The following SPOCK1 variants were observed in gnomAD, a reference collection of about 807,000 sequenced individuals.
SPOCK1 encodes the protein testican-1.
A neutral mutation model predicts 55.3 loss-of-function variants in SPOCK1; 23 were observed. The ratio of observed to expected loss-of-function variants is 0.42; its 90% CI spans 0.30 to 0.59. SPOCK1 has a LOEUF of 0.59. Ranked by LOEUF, SPOCK1 falls within the 20% of genes least tolerant of loss-of-function variation. The pLI is 0.22. For missense variants in SPOCK1, 499 were observed against 552.5 expected, an observed-to-expected ratio of 0.90 and a Z score of 0.97; for synonymous variants, 226 against 221.0, an observed-to-expected ratio of 1.02 and a Z score of -0.20.
chr5:137,082,488 A>C (rs749818273), intron 5 of SPOCK1, among the ~76,000 whole-genome samples: 1 of 152,190 alleles, frequency 6.6e-6, no homozygotes, highest in South Asian at 2.1e-4. Flanking sequence ...GTGAGAACAC[A>C]AACCCTGTGA....
At chr5:137,258,671 GT>G (rs1316670260) in intron 3 of SPOCK1, among the ~76,000 whole-genome samples, 1 of 152,180 alleles carries the variant, frequency 6.6e-6, no homozygotes, top group South Asian at 2.1e-4. Context: ...TAACAGGAAG[GT>G]TTTTTCCCTC....
chr5:137,096,075 T>A (rs1190985937), intron 5 of SPOCK1, among the ~76,000 whole-genome samples: 1 of 151,936 alleles, frequency 6.6e-6, no homozygotes, highest in Non-Finnish European at 1.5e-5. Flanking sequence ...TGAAGGCGAG[T>A]GACAGAAGCA....
At chr5:137,342,330 A>T (rs1750449803) in intron 2 of SPOCK1, among the ~76,000 whole-genome samples, 1 of 152,106 alleles carries the variant, frequency 6.6e-6, no homozygotes, top group Non-Finnish European at 1.5e-5. Flanking sequence ...TCTGAAAGGT[A>T]TTTTATTCTT....
At chr5:137,444,548 C>G (rs1401023845) in intron 2 of SPOCK1, among the ~76,000 whole-genome samples, 1 of 152,200 alleles carries the variant, frequency 6.6e-6, no homozygotes, top group Admixed American at 6.5e-5. Context: ...AAGCAAGCCA[C>G]TAGACCTGGC....
intron 2 of SPOCK1, among the ~76,000 whole-genome samples, chr5:137,478,269 A>G (rs1406231751): frequency 1.3e-5 from 2 of 152,190 alleles, no homozygotes; most frequent in East Asian, 1.9e-4. Context: ...GCCAGCTGTT[A>G]TTATTGCTAG....
intron 3 of SPOCK1, among the ~76,000 whole-genome samples, chr5:137,164,851 G>A (rs1046015151): frequency 2.0e-5 from 3 of 152,216 alleles, no homozygotes; most frequent in Admixed American, 1.3e-4. Flanking sequence ...GGGGAGGGAA[G>A]AGTGAGAAGG....
At chr5:137,362,546 T>G (rs1214280700) in intron 2 of SPOCK1, among the ~76,000 whole-genome samples, 1 of 151,992 alleles carries the variant, frequency 6.6e-6, no homozygotes, top group African/African-American at 2.4e-5. Flanking sequence ...GCCAGGATGG[T>G]CTCGATCTCC....
chr5:137,012,842 G>C (rs1198039713), intron 6 of SPOCK1, among the ~76,000 whole-genome samples: 1 of 152,160 alleles, frequency 6.6e-6, no homozygotes, highest in Non-Finnish European at 1.5e-5. Context: ...AAATAACCTA[G>C]AAATAATGTC....
intron 8 of SPOCK1, among the ~76,000 whole-genome samples, chr5:136,986,621 A>C (rs1343338877): frequency 1.3e-5 from 2 of 152,178 alleles, no homozygotes. Flanking sequence ...AATAACTTAG[A>C]AACAAAGCAA....
chr5:137,283,050 G>T (rs1757195737), intron 2 of SPOCK1, among the ~76,000 whole-genome samples: 1 of 152,224 alleles, frequency 6.6e-6, no homozygotes, highest in South Asian at 2.1e-4. Context: ...GGCACAGGCT[G>T]GAAAGTCCTC....
In SPOCK1 at chr5:137,054,463, T is replaced by G. The variant is rs567823659; in HGVS notation, c.589+13252A>C. Among the ~76,000 whole-genome samples the G allele has an allele frequency of 5.3e-4, 80 of 152,324 alleles. 2 individuals carry two copies. The South Asian group carries it at 0.016, about 30-fold the overall frequency. The stretch of plus-strand genomic sequence containing the variant: ...ATGGAAGGTCAGGGGGACAGGAGTC[T>G]TCCTGTACAAGACAGAAAGCAAAGG... On this transcript the variant is annotated intron_variant, in intron 6 of 10. Coordinates refer to ENST00000394945, the MANE Select transcript of SPOCK1 (RefSeq NM_004598.4).
intron 6 of SPOCK1, among the ~76,000 whole-genome samples, chr5:137,050,788 G>C (rs1752191117): frequency 6.6e-6 from 1 of 152,146 alleles, no homozygotes; most frequent in African/African-American, 2.4e-5. Context: ...TTTCCTATTT[G>C]AAAGAAATAG....
chr5:137,319,425 C>T (rs957119800), intron 2 of SPOCK1, among the ~76,000 whole-genome samples: 3 of 152,156 alleles, frequency 2.0e-5, no homozygotes, highest in Admixed American at 2.0e-4. Context: ...TTATTGTTCA[C>T]TATAAGTAAC....
chr5:137,487,390 A>G (rs888558193), intron 2 of SPOCK1, among the ~76,000 whole-genome samples: 2 of 152,030 alleles, frequency 1.3e-5, no homozygotes, highest in African/African-American at 2.4e-5. Flanking sequence ...GACTACACCA[A>G]AAAGAGAGTA....
chr5:137,267,093 C>G (rs1016378704), intron 2 of SPOCK1, 38 bp from the exon 3 acceptor site: 2 of 1,556,624 alleles, frequency 1.3e-6, no homozygotes, highest in Non-Finnish European at 1.8e-6. Flanking sequence ...GGTCAGAGTT[C>G]AAAAAGCTTC....
At chr5:137,390,128 G>C (rs1009874278) in intron 2 of SPOCK1, among the ~76,000 whole-genome samples, 1 of 152,146 alleles carries the variant, frequency 6.6e-6, no homozygotes, top group Non-Finnish European at 1.5e-5. Context: ...CTCTCTAAAA[G>C]GGACTCTGCA....
intron 3 of SPOCK1, among the ~76,000 whole-genome samples, chr5:137,237,460 G>A (rs55973286): frequency 0.042 from 6,457 of 152,270 alleles, 424 homozygotes; most frequent in African/African-American, 0.14. Context: ...TAACCAGTTT[G>A]TTTAAGACCT....
chr5:137,005,388 T>C lies in SPOCK1; in HGVS notation c.590-12788A>G, dbSNP rs1751228240. ...AGTTACAAAAGAGCAGCATTGCATCTATGTTCTAGGTTTTGAAAAAAAAAG... is the reference window on the plus strand; with the variant it reads ...AGTTACAAAAGAGCAGCATTGCATCCATGTTCTAGGTTTTGAAAAAAAAAG... On this transcript the variant is annotated intron_variant, in intron 6 of 10. Coordinates refer to ENST00000394945, the MANE Select transcript of SPOCK1 (RefSeq NM_004598.4). Among the ~76,000 whole-genome samples the C allele has an allele frequency of 2.6e-5, 3 of 115,886 alleles. No homozygotes were observed. The South Asian group carries it at 1.1e-3, about 44-fold the overall frequency. The allele number at this position is 115,886 out of a possible 152,430, so 76.0% of individuals were successfully genotyped here. A position where few individuals can be genotyped will look rare whatever the true frequency, so the allele number is the denominator to read the frequency against.
intron 3 of SPOCK1, among the ~76,000 whole-genome samples, chr5:137,228,501 G>A (rs1755991417): frequency 6.6e-6 from 1 of 152,126 alleles, no homozygotes; most frequent in South Asian, 2.1e-4. Context: ...AATTTAGCTG[G>A]GTGTGGTGGT....
Sources: gnomAD v4.1 joint callset for allele counts (sites outside exome capture counted in the v4.1 genomes callset) on GRCh38, gnomAD v4.1.1 for gene constraint, MANE v1.5 for transcripts, NCBI Gene and HGNC (gene_info 2026-07-23, HGNC 2026-07-21) for gene names.